Variants in FARS2 observed in about 807,000 individuals in gnomAD.
FARS2 encodes the protein phenylalanyl-tRNA synthetase 2, mitochondrial.
FARS2 carries 40 observed loss-of-function variants against 46.4 expected under a neutral mutation model. That is an observed-to-expected ratio of 0.86 (90% CI 0.67 to 1.12). The LOEUF is 1.12. FARS2 is among the 50% of genes most tolerant of loss of function. The probability of loss-of-function intolerance (pLI) is 0.00; values close to 1 mark genes in which losing one functional copy is unlikely to be tolerated. For missense variants in FARS2, 513 were observed against 567.9 expected (o/e 0.90, Z 0.98); for synonymous variants, 234 against 214.9 (o/e 1.09, Z -0.78).
chr6:5,448,358 C>T (rs1562048280), intron 4 of FARS2, among the ~76,000 whole-genome samples: 1 of 152,044 alleles, frequency 6.6e-6, no homozygotes, highest in Non-Finnish European at 1.5e-5. Flanking sequence ...GTACACTCTC[C>T]CTCCCACTGC....
intron 1 of FARS2, among the ~76,000 whole-genome samples, chr6:5,300,425 G>GT (rs756997990): frequency 3.0e-4 from 46 of 151,720 alleles, no homozygotes; most frequent in Admixed American, 6.6e-4. Flanking sequence ...TCCTTATTTT[G>GT]TTTTTTTTCA....
At chr6:5,293,480 A>G (rs1234555116) in intron 1 of FARS2, among the ~76,000 whole-genome samples, 2 of 152,300 alleles carry the variant, frequency 1.3e-5, no homozygotes, top group East Asian at 3.9e-4. Context: ...GTATATCTAC[A>G]TTATAAAAGA....
At chr6:5,366,191 G>A (rs955703211) in intron 1 of FARS2, among the ~76,000 whole-genome samples, 3 of 152,170 alleles carry the variant, frequency 2.0e-5, no homozygotes, top group African/African-American at 7.2e-5. Flanking sequence ...ATTTATGCTA[G>A]TTACGTGATC....
At chr6:5,345,805 T>C (rs1033156384) in intron 1 of FARS2, among the ~76,000 whole-genome samples, 3 of 152,244 alleles carry the variant, frequency 2.0e-5, no homozygotes, top group African/African-American at 7.2e-5. Context: ...ACAGTAGAAT[T>C]TGAATTTCTA....
At chr6:5,560,093 T>G (rs2150533512) in intron 5 of FARS2, among the ~76,000 whole-genome samples, 1 of 152,264 alleles carries the variant, frequency 6.6e-6, no homozygotes, top group South Asian at 2.1e-4. Context: ...TGGAGTAAAT[T>G]GAATTGAGGA....
intron 4 of FARS2, among the ~76,000 whole-genome samples, chr6:5,483,262 C>T (rs753619745): frequency 6.6e-6 from 1 of 152,040 alleles, no homozygotes; most frequent in Non-Finnish European, 1.5e-5. Flanking sequence ...CCTGCTCCTG[C>T]ACTCTATCTT....
intron 6 of FARS2, among the ~76,000 whole-genome samples, chr6:5,650,007 G>A (rs1426306323): frequency 1.3e-5 from 2 of 152,164 alleles, no homozygotes; most frequent in East Asian, 1.9e-4. Context: ...GGTGACAATC[G>A]TATTATAGGG....
At chr6:5,753,966 G>C (rs1762080636) in intron 6 of FARS2, among the ~76,000 whole-genome samples, 1 of 152,164 alleles carries the variant, frequency 6.6e-6, no homozygotes, top group Non-Finnish European at 1.5e-5. Flanking sequence ...GTTAACATCA[G>C]TGCTCTTACT....
Position 5,331,367 on chromosome 6 carries a change from T to A in FARS2, c.-21-37183T>A, listed in dbSNP as rs151091654. ...AGATTAACCGGAGCCGTGGATCACA[T>A]CTCTGGGAGCATTCACATGTCCCAT... is the stretch of plus-strand genomic sequence containing the variant. On this transcript the variant is annotated intron_variant, in intron 1 of 6. Transcript: ENST00000274680. Among the ~76,000 whole-genome samples the A allele has an allele frequency of 5.5e-3, 838 of 152,268 alleles. 10 individuals carry two copies. Among genetic ancestry groups the A allele is most frequent in the African/African-American group, 0.019 (800 of 41,548 alleles).
chr6:5,495,738 A>G (rs775732112), intron 4 of FARS2, among the ~76,000 whole-genome samples: 2 of 152,246 alleles, frequency 1.3e-5, no homozygotes, highest in Non-Finnish European at 2.9e-5. Context: ...GGCTTGATCC[A>G]TGCTAATTAT....
At chr6:5,648,341 T>C (rs1582666280) in intron 6 of FARS2, among the ~76,000 whole-genome samples, 1 of 152,228 alleles carries the variant, frequency 6.6e-6, no homozygotes, top group African/African-American at 2.4e-5. Flanking sequence ...TGTCACTTAC[T>C]GGCAAGAATA....
rs773701023 is a variant in FARS2 at position 5,369,135 on chromosome 6, C to G, written c.565C>G (p.Pro189Ala). Residue 189 changes from proline to alanine, a missense_variant, in exon 2 of 7, where the codon CCT (proline) becomes GCT (alanine). Physicochemically the swap from Pro to Ala is conservative, Grantham distance 27 (BLOSUM62 -1). Transcript: ENST00000274680. ...TGACCAGATCGACTCCCAGCACTACCCTATTTTCCACCAGCTGGAGGCCGT... is the reference window on the plus strand; with the variant it reads ...TGACCAGATCGACTCCCAGCACTACGCTATTTTCCACCAGCTGGAGGCCGT... Reference protein sequence around the residue: ...RRDQIDSQHYPIFHQLEAVRL... With the variant: ...RRDQIDSQHYAIFHQLEAVRL... 9 of 1,612,282 alleles carry G rather than the reference C, an allele frequency of 5.6e-6. No homozygotes were observed. Among genetic ancestry groups the G allele is most frequent in the Non-Finnish European group, 7.6e-6 (9 of 1,180,008 alleles).
At chr6:5,691,591 C>T (rs147668643) in intron 6 of FARS2, among the ~76,000 whole-genome samples, 2 of 152,196 alleles carry the variant, frequency 1.3e-5, no homozygotes, top group African/African-American at 2.4e-5. Flanking sequence ...AGGTGTCAGT[C>T]TGCCCCTACT....
rs372760909 is a variant in FARS2 at position 5,405,186 on chromosome 6, G to A, written c.772+485G>A. On this transcript the variant is annotated intron_variant, in intron 3 of 6. Coordinates refer to ENST00000274680, the MANE Select transcript of FARS2 (RefSeq NM_006567.5). ...CATTTGTATTTCATATACACTTTAC[G>A]CACATAGTCTGAAGGTAATTTGATA... 2.0e-5 allele frequency among the ~76,000 whole-genome samples: 3 copies of A among 152,046 alleles called. No homozygotes were observed. In the East Asian group the frequency reaches 5.8e-4, roughly 29 times the overall value.
intron 1 of FARS2, among the ~76,000 whole-genome samples, chr6:5,268,494 G>T (rs1386424112): frequency 6.6e-6 from 1 of 152,176 alleles, no homozygotes; most frequent in African/African-American, 2.4e-5. Flanking sequence ...TGTCAGGTTT[G>T]TTAAAGATCA....
rs185099050 is a variant in FARS2 at position 5,532,878 on chromosome 6, A to C, written c.905-12302A>C. Among the ~76,000 whole-genome samples, 100 of 152,308 alleles carry C rather than the reference A, an allele frequency of 6.6e-4. 1 individual carries two copies. Among genetic ancestry groups the C allele is most frequent in the Admixed American group, 2.0e-3 (30 of 15,296 alleles). ...GTTTTGGAAACATGCGAGTTCATTA[A>C]ATTGAAGAATTCCTAGAAGTCAACC... On this transcript the variant is annotated intron_variant, in intron 4 of 6. Transcript: ENST00000274680.
intron 6 of FARS2, among the ~76,000 whole-genome samples, chr6:5,670,592 G>A (rs1778403284): frequency 6.6e-6 from 1 of 152,178 alleles, no homozygotes; most frequent in South Asian, 2.1e-4. Context: ...ATAAGGAATG[G>A]CATTTTGGGC....
intron 1 of FARS2, among the ~76,000 whole-genome samples, chr6:5,361,064 A>G (rs900309469): frequency 2.6e-5 from 4 of 152,212 alleles, no homozygotes; most frequent in African/African-American, 9.6e-5. Flanking sequence ...AATAGAAAAT[A>G]AGCACCAGGG....
chr6:5,325,841 T>A (rs1437596990), intron 1 of FARS2, among the ~76,000 whole-genome samples: 1 of 152,132 alleles, frequency 6.6e-6, no homozygotes, highest in African/African-American at 2.4e-5. Context: ...AAGGATAGGC[T>A]GTTAACAAAA....
Sources: allele counts gnomAD v4.1 joint callset (sites outside exome capture counted in the v4.1 genomes callset), GRCh38; gene constraint gnomAD v4.1.1; transcripts MANE v1.5; gene names NCBI Gene and HGNC (gene_info 2026-07-23, HGNC 2026-07-21).